The following CSMD3 variants were observed in gnomAD, a reference collection of about 807,000 sequenced individuals.
CSMD3 encodes the protein CUB and Sushi multiple domains 3.
CSMD3 carries 177 observed loss-of-function variants against 435.2 expected under a neutral mutation model. The observed-to-expected ratio is 0.41, with a 90% CI of 0.36 to 0.46. CSMD3 has a LOEUF of 0.46. Ranked by LOEUF, CSMD3 falls within the 20% of genes least tolerant of loss-of-function variation. The pLI is 0.34. For missense variants in CSMD3, 4,265 were observed against 4,504.6 expected (o/e 0.95, Z 1.52); for synonymous variants, 1,656 against 1,520.5 (o/e 1.09, Z -2.07).
At chr8:113,224,579 A>G (rs1447184762) in intron 3 of CSMD3, among the ~76,000 whole-genome samples, 2 of 151,318 alleles carry the variant, frequency 1.3e-5, no homozygotes, top group Non-Finnish European at 3.0e-5. Context: ...TGTGAACAGT[A>G]AATACATTAG....
At chr8:113,402,095 T>C (rs564550375) in intron 1 of CSMD3, among the ~76,000 whole-genome samples, 1 of 151,656 alleles carries the variant, frequency 6.6e-6, no homozygotes, top group South Asian at 2.1e-4. Flanking sequence ...GAAAGAATTG[T>C]CTTTGCTTCA....
intron 37 of CSMD3, among the ~76,000 whole-genome samples, chr8:112,381,245 A>T (rs1248342686): frequency 6.6e-6 from 1 of 152,202 alleles, no homozygotes; most frequent in African/African-American, 2.4e-5. Context: ...TTTCAAAAAA[A>T]TTCCAATTAT....
At chr8:112,737,001 C>T (rs984463641) in intron 13 of CSMD3, among the ~76,000 whole-genome samples, 28 of 151,920 alleles carry the variant, frequency 1.8e-4, no homozygotes, top group Admixed American at 1.8e-3. Context: ...TTGTAAAGTA[C>T]TTTAATATTG....
intron 13 of CSMD3, among the ~76,000 whole-genome samples, chr8:112,708,647 C>CTTTTT (rs34676109): frequency 1.8e-5 from 2 of 110,556 alleles, no homozygotes; most frequent in African/African-American, 7.0e-5. Context: ...GGTAATGCTT[C>CTTTTT]TTTTTTTTTT....
At chr8:112,738,190 T>C (rs1247772064) in intron 13 of CSMD3, among the ~76,000 whole-genome samples, 1 of 151,752 alleles carries the variant, frequency 6.6e-6, no homozygotes, top group East Asian at 1.9e-4. Context: ...AGGGCTTTTT[T>C]GAATTAGAAA....
chr8:112,531,467 G>A (rs1825532168), intron 27 of CSMD3, among the ~76,000 whole-genome samples: 2 of 152,204 alleles, frequency 1.3e-5, no homozygotes, highest in South Asian at 4.1e-4. Flanking sequence ...CACAGGAATG[G>A]CCATGTAACC....
intron 38 of CSMD3, among the ~76,000 whole-genome samples, chr8:112,378,165 AC>A (rs747816027): frequency 8.2e-6 from 1 of 122,654 alleles, no homozygotes; most frequent in Admixed American, 8.7e-5. Flanking sequence ...TATCAAACAC[AC>A]AAAAAAAAAT....
At chr8:112,691,173 T>C (rs2076128859) in intron 13 of CSMD3, among the ~76,000 whole-genome samples, 1 of 152,160 alleles carries the variant, frequency 6.6e-6, no homozygotes, top group Non-Finnish European at 1.5e-5. Context: ...AACCAAACAC[T>C]ATGTTTTAGA....
chr8:113,239,601 G>A (rs1410650340), intron 3 of CSMD3, among the ~76,000 whole-genome samples: 2 of 151,876 alleles, frequency 1.3e-5, no homozygotes, highest in African/African-American at 2.4e-5. Flanking sequence ...TGAAGAAGTG[G>A]GCTGTTTCTG....
intron 4 of CSMD3, among the ~76,000 whole-genome samples, chr8:113,147,734 C>T (rs62519802): frequency 6.6e-5 from 10 of 151,586 alleles, no homozygotes; most frequent in African/African-American, 2.4e-4. Context: ...GTTTCGCTTC[C>T]GTCATTCCTC....
intron 1 of CSMD3, chr8:113,376,812 G>C (rs765653401): frequency 4.3e-6 from 7 of 1,613,720 alleles, no homozygotes; most frequent in Non-Finnish European, 5.1e-6. Flanking sequence ...GGGTTGTGCT[G>C]AAGAGGTTGT....
chr8:112,697,836 G>T (rs973862225), intron 13 of CSMD3, among the ~76,000 whole-genome samples: 1 of 152,178 alleles, frequency 6.6e-6, no homozygotes, highest in African/African-American at 2.4e-5. Context: ...GGATTTGGAG[G>T]TTGGAAAAGA....
At chr8:113,124,253 A>G (rs927204377) in intron 4 of CSMD3, among the ~76,000 whole-genome samples, 4 of 152,030 alleles carry the variant, frequency 2.6e-5, no homozygotes, top group Admixed American at 6.6e-5. Context: ...AAGGTCCTTC[A>G]TGGTTTGCTA....
chr8:113,377,514 C>A (rs113485532), intron 1 of CSMD3, among the ~76,000 whole-genome samples: 3,519 of 152,182 alleles, frequency 0.023, 53 homozygotes, highest in Middle Eastern at 0.051. Flanking sequence ...GTCTTATGTG[C>A]CAGCTATCTG....
At chr8:113,328,673 C>A (rs2094002531) in intron 1 of CSMD3, among the ~76,000 whole-genome samples, 1 of 146,410 alleles carries the variant, frequency 6.8e-6, no homozygotes, top group Admixed American at 6.9e-5. Context: ...ACTGATGGTA[C>A]ATTCTAGTAT....
intron 27 of CSMD3, among the ~76,000 whole-genome samples, chr8:112,537,221 C>T (rs1341032691): frequency 6.6e-6 from 1 of 150,748 alleles, no homozygotes; most frequent in Non-Finnish European, 1.5e-5. Context: ...GTAAACAAAA[C>T]ACCCCAAATA....
At chr8:113,287,199 A>G (rs1366591936) in intron 2 of CSMD3, among the ~76,000 whole-genome samples, 1 of 152,032 alleles carries the variant, frequency 6.6e-6, no homozygotes, top group Non-Finnish European at 1.5e-5. Flanking sequence ...GCATAAGCAC[A>G]GTGATTTCAC....
At chr8:112,883,865 A>AT (rs967695605) in intron 10 of CSMD3, among the ~76,000 whole-genome samples, 2 of 97,420 alleles carry the variant, frequency 2.1e-5, no homozygotes, top group Admixed American at 2.4e-4. Context: ...TGAGATTAGT[A>AT]TAAAAAATCA....
At chr8:112,647,398 T>C (rs1358269407) in intron 19 of CSMD3, among the ~76,000 whole-genome samples, 2 of 150,854 alleles carry the variant, frequency 1.3e-5, no homozygotes, top group East Asian at 3.9e-4. Flanking sequence ...GCCCCCCGGG[T>C]TCACGCCATT....
Sources: gnomAD v4.1 joint callset for allele counts (sites outside exome capture counted in the v4.1 genomes callset) on GRCh38, gnomAD v4.1.1 for gene constraint, MANE v1.5 for transcripts, NCBI Gene and HGNC (gene_info 2026-07-23, HGNC 2026-07-21) for gene names.